Variants in PARD3B observed in about 807,000 individuals in gnomAD.
PARD3B encodes partitioning defective 3 homolog B.
In PARD3B, 103 loss-of-function variants were observed where a neutral mutation model predicts 130.2. The ratio of observed to expected loss-of-function variants is 0.79; its 90% confidence interval spans 0.67 to 0.93. The LOEUF (loss-of-function observed/expected upper bound fraction) is 0.93. Among genes scored for constraint, PARD3B ranks in the 40% least tolerant of loss-of-function variants. PARD3B has a pLI of 0.00. For synonymous variants in PARD3B, 583 were observed against 553.2 expected (o/e 1.05, Z -0.76); for missense variants, 1,609 against 1,499.2 (o/e 1.07, Z -1.21).
At chr2:205,476,609 C>A (rs1390508803) in intron 20 of PARD3B, among the ~76,000 whole-genome samples, 2 of 151,790 alleles carry the variant, frequency 1.3e-5, no homozygotes, top group Non-Finnish European at 2.9e-5. Context: ...CCTTTGTTTT[C>A]TGGGTTTTTT....
intron 2 of PARD3B, among the ~76,000 whole-genome samples, chr2:204,846,526 G>C (rs1403496923): frequency 1.3e-5 from 2 of 151,634 alleles, no homozygotes; most frequent in African/African-American, 4.9e-5. Flanking sequence ...TGAGTGTAAG[G>C]AGTTAATTAA....
chr2:204,848,779 C>T (rs1039684037), intron 2 of PARD3B, among the ~76,000 whole-genome samples: 1 of 151,942 alleles, frequency 6.6e-6, no homozygotes, highest in Non-Finnish European at 1.5e-5. Context: ...TGCTTGCTAA[C>T]TTCCTGGATC....
At chr2:204,714,247 A>C (rs1275030574) in intron 2 of PARD3B, among the ~76,000 whole-genome samples, 1 of 152,156 alleles carries the variant, frequency 6.6e-6, no homozygotes, top group East Asian at 1.9e-4. Flanking sequence ...AGATTTGCTA[A>C]CCTGTAACCC....
At chr2:204,921,541 CA>C (rs11312664) in intron 2 of PARD3B, among the ~76,000 whole-genome samples, 34,295 of 151,572 alleles carry the variant, frequency 0.23, 4,309 homozygotes, top group Non-Finnish European at 0.28. Context: ...AAGAAGCACT[CA>C]AAAAAGAAAG....
intron 2 of PARD3B, among the ~76,000 whole-genome samples, chr2:204,912,551 A>G (rs555500932): frequency 1.3e-5 from 2 of 152,346 alleles, no homozygotes; most frequent in East Asian, 1.9e-4. Flanking sequence ...TGCGAAGTAT[A>G]CAGATTTTAA....
chr2:204,918,151 G>A (rs552208248), intron 2 of PARD3B, among the ~76,000 whole-genome samples: 5 of 152,334 alleles, frequency 3.3e-5, no homozygotes, highest in Non-Finnish European at 5.9e-5. Context: ...TAAATTTGCA[G>A]AAGAAAATGT....
rs1243416229 is a variant in PARD3B at position 205,142,878 on chromosome 2, C to CAAAA, written c.1435-15841_1435-15838dup. Among the ~76,000 whole-genome samples the CAAAA allele has an allele frequency of 1.5e-5, 1 of 66,818 alleles. No homozygotes were observed. The highest frequency in any genetic ancestry group is 3.6e-5 in the Non-Finnish European group (1 of 28,146). 43.8% of individuals were successfully genotyped at this position (66,818 alleles called of 152,430 possible). ...GGGTGACAGGATGAGACTTCGGTCT[C>CAAAA]AAAAAATAAATAAATAAATAAATAA... is the stretch of plus-strand genomic sequence containing the variant. On this transcript the variant is annotated intron_variant, in intron 10 of 22. Coordinates refer to ENST00000406610, the MANE Select transcript of PARD3B (RefSeq NM_001302769.2). The surrounding 1 kb of genome is among the most constrained non-coding windows in gnomAD (Gnocchi z 4.3).
chr2:205,499,444 A>G (rs1223881836), intron 20 of PARD3B, among the ~76,000 whole-genome samples: 2 of 152,104 alleles, frequency 1.3e-5, no homozygotes, highest in Non-Finnish European at 2.9e-5. Flanking sequence ...AAAGTTCATG[A>G]GCCTCATGGA....
intron 1 of PARD3B, among the ~76,000 whole-genome samples, chr2:204,638,467 G>A (rs1285507887): frequency 2.0e-5 from 3 of 152,184 alleles, no homozygotes; most frequent in African/African-American, 4.8e-5. Flanking sequence ...TTCACACATT[G>A]TGTATTACTG....
intron 10 of PARD3B, among the ~76,000 whole-genome samples, chr2:205,135,217 T>C (rs1453377510): frequency 6.6e-6 from 1 of 152,202 alleles, no homozygotes; most frequent in East Asian, 1.9e-4. Context: ...AGGCCAGCTG[T>C]TGATTTGGAG....
chr2:204,968,096 G>A (rs1691408764), intron 3 of PARD3B, among the ~76,000 whole-genome samples: 1 of 152,072 alleles, frequency 6.6e-6, no homozygotes, highest in African/African-American at 2.4e-5. Flanking sequence ...AGAGAAATAG[G>A]GCTTAATTTT....
At position 204,789,197 on chromosome 2, in the gene PARD3B, T is replaced by C. The variant is rs945425746; in HGVS notation, c.222+102915T>C. ...TCAGCCTCCAGAGTAGCTGGGACCA[T>C]AGGTGTGCACCACCATGACTGGCTA... On this transcript the variant is annotated intron_variant, in intron 2 of 22. Transcript: ENST00000406610. Among the ~76,000 whole-genome samples, 25 of 152,116 alleles carry C rather than the reference T, an allele frequency of 1.6e-4. 1 individual carries two copies. The highest frequency in any genetic ancestry group is 6.0e-4 in the African/African-American group (25 of 41,496).
chr2:204,567,463 T>C (rs899893509), intron 1 of PARD3B, among the ~76,000 whole-genome samples: 3 of 152,214 alleles, frequency 2.0e-5, no homozygotes, highest in African/African-American at 7.2e-5. Context: ...AATCGTGCAC[T>C]ATCTGTCCTT....
At chr2:204,682,387 T>C (rs1413383552) in intron 1 of PARD3B, among the ~76,000 whole-genome samples, 1 of 152,224 alleles carries the variant, frequency 6.6e-6, no homozygotes, top group East Asian at 1.9e-4. Context: ...AACTGTTTTA[T>C]GAGGCATTTT....
chr2:204,850,991 G>T (rs1033458269), intron 2 of PARD3B, among the ~76,000 whole-genome samples: 2 of 152,114 alleles, frequency 1.3e-5, no homozygotes, highest in Non-Finnish European at 2.9e-5. Context: ...GCTTGCATTT[G>T]GTTTATAGAT....
At position 205,144,070 on chromosome 2, in the gene PARD3B, A is replaced by C. The variant is rs530154748; in HGVS notation, c.1435-14652A>C. 4.6e-5 allele frequency among the ~76,000 whole-genome samples: 7 copies of C among 152,254 alleles called. No individual in the cohort carries two copies. The South Asian group carries it at 1.5e-3, about 32-fold the overall frequency. The stretch of plus-strand genomic sequence containing the variant: ...TTTGGCATAGCCCCATGGTGTTTGG[A>C]GAGTACTTTCCAACCATAGGCTGTG... On this transcript the variant is annotated intron_variant, in intron 10 of 22. Transcript: ENST00000406610.
chr2:204,793,750 A>T lies in PARD3B; in HGVS notation c.222+107468A>T, dbSNP rs6740517. On this transcript the variant is annotated intron_variant, in intron 2 of 22. Transcript: ENST00000406610. ...TCTTGAACTCCTGACTTCATGATCCACCCACTTCGGCCTCCCAAAGTGCTG... is the reference window on the plus strand; with the variant it reads ...TCTTGAACTCCTGACTTCATGATCCTCCCACTTCGGCCTCCCAAAGTGCTG... Among the ~76,000 whole-genome samples, 1,059 of 151,942 alleles carry T rather than the reference A, an allele frequency of 7.0e-3. 15 individuals carry two copies. The highest frequency in any genetic ancestry group is 0.05 in the East Asian group (256 of 5,156).
At chr2:204,976,148 T>G (rs1037466980) in intron 3 of PARD3B, among the ~76,000 whole-genome samples, 2 of 152,226 alleles carry the variant, frequency 1.3e-5, no homozygotes, top group African/African-American at 4.8e-5. Flanking sequence ...AATATTGTAC[T>G]TTATATCTTC....
intron 3 of PARD3B, among the ~76,000 whole-genome samples, chr2:205,008,280 C>A (rs1047276455): frequency 8.8e-6 from 1 of 113,516 alleles, no homozygotes; most frequent in Non-Finnish European, 1.8e-5. Flanking sequence ...GTTTTACAGG[C>A]ACAAATAATC....
Sources: allele counts gnomAD v4.1 joint callset (sites outside exome capture counted in the v4.1 genomes callset), GRCh38; gene constraint gnomAD v4.1.1; non-coding constraint Gnocchi (gnomAD v3.1); transcripts MANE v1.5; gene names NCBI Gene and HGNC (gene_info 2026-07-23, HGNC 2026-07-21).